Variants in PRL observed in about 807,000 individuals in gnomAD.
The protein encoded by PRL is decidual prolactin.
Under a neutral mutation model 21.3 loss-of-function variants are expected in PRL, and 24 were observed. The observed-to-expected ratio is 1.13, with a 90% confidence interval of 0.82 to 1.59. The LOEUF is 1.59. PRL is among the 40% of genes most tolerant of loss of function. The pLI is 0.00. For synonymous variants in PRL, 118 were observed against 115.7 expected (o/e 1.02, Z -0.13); for missense variants, 243 against 286.9 (o/e 0.85, Z 1.10).
In PRL at chr6:22,294,465, C is replaced by T. The variant is rs759743631; in HGVS notation, c.148G>A (p.Ala50Thr). The T allele has an allele frequency of 6.2e-7, 1 of 1,614,102 alleles. No homozygotes were observed. Among genetic ancestry groups the T allele is most frequent in the Non-Finnish European group, 8.5e-7 (1 of 1,180,028 alleles). ...TGGATGTAGTGGGACAGGACGACGG[C>T]GCGGTCAAACAGGTCTCGAAGGGTC... ...QVTLRDLFDRAVVLSHYIHNL... is the reference protein window; with the variant it reads ...QVTLRDLFDRTVVLSHYIHNL... The change falls in exon 2 of 5, where the codon GCC becomes ACC. Residue 50 changes from alanine to threonine, a missense_variant. Coordinates refer to ENST00000306482, the MANE Select transcript of PRL (RefSeq NM_000948.6).
At chr6:22,296,844 T>C in intron 1 of PRL, 111 bp downstream of exon 1, 17 of 1,172,358 alleles carry the variant, frequency 1.5e-5, no homozygotes, top group Non-Finnish European at 2.1e-5. Context: ...CATAAGATTG[T>C]GCTTCTAAAC....
chr6:22,295,841 A>C (rs1245926771), intron 1 of PRL, among the ~76,000 whole-genome samples: 1 of 152,236 alleles, frequency 6.6e-6, no homozygotes, highest in Non-Finnish European at 1.5e-5. Context: ...AGATAAAACT[A>C]GGCAAATGCT....
chr6:22,300,533 A>G (rs1761264403), upstream of PRL, among the ~76,000 whole-genome samples: 1 of 152,122 alleles, frequency 6.6e-6, no homozygotes, highest in African/African-American at 2.4e-5. Flanking sequence ...TCTCTAAACC[A>G]TTACTCGTTT....
In PRL at chr6:22,288,902, G is replaced by GCA. The variant is rs1491165145; in HGVS notation, c.492+1271_492+1272insTG. On this transcript the variant is annotated intron_variant, in intron 4 of 4. Coordinates refer to ENST00000306482, the MANE Select transcript of PRL (RefSeq NM_000948.6). This position sits in a 1 kb window ranked among gnomAD's most constrained non-coding sequence, Gnocchi z 4.5. ...CGCGTGCGCGTGTGTGTGCGTGTGT[G>GCA]CGCGCGCGTGTGTGTGCGTGCGCGT... 6.7e-6 allele frequency among the ~76,000 whole-genome samples: 1 copy of GCA among 149,644 alleles called. No individual in the cohort carries two copies. The highest frequency in any genetic ancestry group is 1.5e-5 in the Non-Finnish European group (1 of 67,898).
Position 22,288,733 on chromosome 6 carries a change from C to G in PRL, c.493-1140G>C, listed in dbSNP as rs1760977476. Among the ~76,000 whole-genome samples the G allele has an allele frequency of 6.6e-6, 1 of 152,166 alleles. No individual in the cohort carries two copies. The highest frequency in any genetic ancestry group is 2.4e-5 in the African/African-American group (1 of 41,440). On this transcript the variant is annotated intron_variant, in intron 4 of 4. Coordinates refer to ENST00000306482, the MANE Select transcript of PRL (RefSeq NM_000948.6). The surrounding 1 kb of genome is among the most constrained non-coding windows in gnomAD (Gnocchi z 4.5). ...AGAGACCAAGTAACCATTTTAGCAA[C>G]TTTAGGGATGTCAGCTAGTTTGGAG...
In PRL at chr6:22,292,665, T is replaced by C. The variant is rs1761076109; in HGVS notation, c.205-20A>G. The C allele has an allele frequency of 6.3e-7, 1 of 1,597,990 alleles. No individual in the cohort carries two copies. ...TTTATCCTGGAAATGATGAGACAAA[T>C]TCAATTAGTTGGGGTTGTTTGGGCA... is the stretch of plus-strand genomic sequence containing the variant. On this transcript the variant is annotated intron_variant, in intron 2 of 4. Coordinates refer to ENST00000306482, the MANE Select transcript of PRL (RefSeq NM_000948.6).
chr6:22,297,681 A>C (rs1761206259), upstream of PRL, among the ~76,000 whole-genome samples: 1 of 152,132 alleles, frequency 6.6e-6, no homozygotes, highest in Non-Finnish European at 1.5e-5. Flanking sequence ...GTACATCTTC[A>C]TCTGTTTATT....
chr6:22,295,987 T>C (rs574184140), intron 1 of PRL, among the ~76,000 whole-genome samples: 25 of 152,356 alleles, frequency 1.6e-4, no homozygotes, highest in African/African-American at 5.5e-4. Flanking sequence ...TATAGACTTT[T>C]AATTTTTCAA....
Position 22,294,516 on chromosome 6 carries a change from G to A in PRL, c.97C>T (p.Pro33Ser), listed in dbSNP as rs1371133058. 1.9e-6 allele frequency: 3 copies of A among 1,613,984 alleles called. No individual in the cohort carries two copies. The African/African-American group carries it at 4.0e-5, about 22-fold the overall frequency. Residue 33 changes from proline (P) to serine (S), a missense_variant, in exon 2 of 5, where the codon CCC becomes TCC. By Grantham distance (74) the Pro-to-Ser change is moderately conservative. Transcript: ENST00000306482. The part of the protein sequence containing the change: ...CQSVAPLPIC[P>S]GGAARCQVTL... ...ACCTGGCATCGGGCAGCCCCGCCGG[G>A]ACAGATGGGCAAGGGGGCCACGCTC...
intron 3 of PRL, 82 bp from the exon 4 acceptor site, chr6:22,290,435 C>G (rs1358945701): frequency 8.5e-7 from 1 of 1,176,608 alleles, no homozygotes; most frequent in East Asian, 2.6e-5. Context: ...CTTAGAGAGG[C>G]TGTACTGAAA....
chr6:22,287,971 T>A (rs1760959048), intron 4 of PRL, among the ~76,000 whole-genome samples: 2 of 152,194 alleles, frequency 1.3e-5, no homozygotes, highest in African/African-American at 4.8e-5. Flanking sequence ...CCCTGATGTA[T>A]CCCTTGTGCT....
rs1761074362 is a variant in PRL, at chr6:22,292,622, C to T, written c.228G>A (p.Arg76=). 1 of 1,613,946 alleles carries T rather than the reference C, an allele frequency of 6.2e-7. No homozygotes were observed. The highest frequency in any genetic ancestry group is 8.5e-7 in the Non-Finnish European group (1 of 1,179,966). ...SEFDKRYTHG[R]GFITKAINSC... ...TGTTGATGGCCTTGGTAATGAACCC[C>T]CGGCCATGGGTATACCGTTTATCCT... The change falls in exon 3 of 5, where the codon CGG becomes CGA. Residue 76 remains arginine (R), a synonymous_variant. Coordinates refer to ENST00000306482, the MANE Select transcript of PRL (RefSeq NM_000948.6).
At chr6:22,293,785 A>G (rs1229072544) in intron 2 of PRL, among the ~76,000 whole-genome samples, 1 of 142,756 alleles carries the variant, frequency 7.0e-6, no homozygotes, top group African/African-American at 2.6e-5. Flanking sequence ...GGAAGGGAAG[A>G]AGGAAGGAAG....
In PRL at chr6:22,296,976, T is replaced by G; in HGVS notation, c.7A>C (p.Ile3Leu). The G allele has an allele frequency of 1.2e-6, 2 of 1,614,096 alleles. No individual in the cohort carries two copies. Among genetic ancestry groups the G allele is most frequent in the Non-Finnish European group, 1.7e-6 (2 of 1,179,990 alleles). ...ATACCTTTCCATGGCGATCCTTTGA[T>G]GTTCATGTTCGTGATCGTTGCAGGA... is the stretch of plus-strand genomic sequence containing the variant. Reference protein sequence around the residue: MNIKGSPWKGSLL... With the variant: MNLKGSPWKGSLL... The change falls in exon 1 of 5, where the codon ATC (isoleucine) becomes CTC (leucine). Residue 3 changes from isoleucine to leucine, a missense_variant. Coordinates refer to ENST00000306482, the MANE Select transcript of PRL (RefSeq NM_000948.6).
At chr6:22,293,724 AAC>A (rs1254969969) in intron 2 of PRL, among the ~76,000 whole-genome samples, 40 of 137,550 alleles carry the variant, frequency 2.9e-4, no homozygotes, top group East Asian at 4.7e-4. Context: ...GGAAGGAGGG[AAC>A]AAGGGAGGGA....
intron 3 of PRL, chr6:22,291,061 T>A (rs1761039404): frequency 6.6e-6 from 1 of 152,232 alleles, no homozygotes; most frequent in Non-Finnish European, 1.5e-5. Context: ...GCCTAGGTTT[T>A]GCTTACTACC....
chr6:22,288,919 C>CGCGTGTGTGTGCGTGTGTGT lies in PRL; in HGVS notation c.492+1254_492+1255insACACACACGCACACACACGC. Among the ~76,000 whole-genome samples, 1 of 150,184 alleles carries CGCGTGTGTGTGCGTGTGTGT rather than the reference C, an allele frequency of 6.7e-6. No homozygotes were observed. The highest frequency in any genetic ancestry group is 1.5e-5 in the Non-Finnish European group (1 of 67,388). On this transcript the variant is annotated intron_variant, in intron 4 of 4. Coordinates refer to ENST00000306482, the MANE Select transcript of PRL (RefSeq NM_000948.6). The surrounding 1 kb of genome is among the most constrained non-coding windows in gnomAD (Gnocchi z 4.5). ...GCGTGTGTGCGCGCGCGTGTGTGTGCGTGCGCGTGTGTGTGCATGTGTGTG... is the reference window on the plus strand; with the variant it reads ...GCGTGTGTGCGCGCGCGTGTGTGTGCGCGTGTGTGTGCGTGTGTGTGTGCGCGTGTGTGTGCATGTGTGTG...
In PRL at chr6:22,287,358, G is replaced by C. The variant is rs1760941630; in HGVS notation, c.*44C>G. The C allele has an allele frequency of 6.5e-7, 1 of 1,547,760 alleles. No homozygotes were observed. Among genetic ancestry groups the C allele is most frequent in the Non-Finnish European group, 8.8e-7 (1 of 1,132,954 alleles). The stretch of plus-strand genomic sequence containing the variant: ...ACTAAAAGAAGCTTGCAATGGAACG[G>C]ATCATTAAGGACCTTCTCAGAAATA... On this transcript the variant is annotated 3_prime_UTR_variant, in exon 5 of 5. Coordinates refer to ENST00000306482, the MANE Select transcript of PRL (RefSeq NM_000948.6).
chr6:22,297,609 CT>C (rs1318903608), upstream of PRL: 1 of 152,202 alleles, frequency 6.6e-6, no homozygotes, highest in Non-Finnish European at 1.5e-5. Context: ...TTTGTTTTGT[CT>C]TTTTAAAAAT....
Sources: gnomAD v4.1 joint callset for allele counts (sites outside exome capture counted in the v4.1 genomes callset) on GRCh38, gnomAD v4.1.1 for gene constraint, Gnocchi (gnomAD v3.1) non-coding constraint, MANE v1.5 for transcripts, NCBI Gene and HGNC (gene_info 2026-07-23, HGNC 2026-07-21) for gene names.